Variants in TSPOAP1 observed in about 807,000 individuals in gnomAD.
TSPOAP1 encodes the protein TSPO associated protein 1.
In TSPOAP1, 87 loss-of-function variants were observed where a neutral mutation model predicts 197.0. The ratio of observed to expected loss-of-function variants is 0.44; its 90% CI spans 0.37 to 0.53. TSPOAP1 has a LOEUF of 0.53. TSPOAP1 is among the 20% of genes least tolerant of loss of function. The probability of loss-of-function intolerance (pLI) is 0.00; values close to 1 mark genes in which losing one functional copy is unlikely to be tolerated. For synonymous variants in TSPOAP1, 913 were observed against 998.9 expected (o/e 0.91, Z 1.62); for missense variants, 2,174 against 2,411.3 (o/e 0.90, Z 2.06).
rs1971051380 is a variant in TSPOAP1 at position 58,310,659 on chromosome 17, G to A, written c.3552C>T (p.Pro1184=). 6.2e-7 allele frequency: 1 copy of A among 1,612,842 alleles called. No individual in the cohort carries two copies. The highest frequency in any genetic ancestry group is 1.3e-5 in the African/African-American group (1 of 74,912). The part of the protein sequence containing the change: ...LGEKDPGPAA[P]SLAKQEAEWT... ...ACTCGGCCTCCTGCTTGGCCAGTGAGGGAGCTGCGGGGCCAGGGTCCTTCT... is the reference window on the plus strand; with the variant it reads ...ACTCGGCCTCCTGCTTGGCCAGTGAAGGAGCTGCGGGGCCAGGGTCCTTCT... Residue 1184 remains proline (P), a synonymous_variant, in exon 20 of 32, where the codon CCC becomes CCT. Transcript: ENST00000343736.
rs1971072962 is a variant in TSPOAP1 at position 58,311,358 on chromosome 17, C to T, written c.3082-145G>A. The T allele has an allele frequency of 4.6e-6, 6 of 1,295,656 alleles. No individual in the cohort carries two copies. In the East Asian group the frequency reaches 1.3e-4, roughly 27 times the overall value. The allele number at this position is 1,295,656 out of a possible 1,614,324, so 80.3% of individuals were successfully genotyped here. A position where few individuals can be genotyped will look rare whatever the true frequency, so the allele number is the denominator to read the frequency against. On this transcript the variant is annotated intron_variant, in intron 18 of 31. Transcript: ENST00000343736. Reference sequence around the variant, plus strand: ...GTGCTAAGCCCTCTGCATGGCCTATCTCATTTCATCCTCCTGGCCATATGG... The same window carrying T: ...GTGCTAAGCCCTCTGCATGGCCTATTTCATTTCATCCTCCTGGCCATATGG...
chr17:58,312,757 G>A (rs1376712845), intron 16 of TSPOAP1, 35 bp from the exon 17 acceptor site: 1 of 1,567,640 alleles, frequency 6.4e-7, no homozygotes, highest in African/African-American at 1.4e-5. Context: ...GCAGGGCAGG[G>A]GAAGACAGAG....
At chr17:58,311,852 C>G in intron 17 of TSPOAP1, 40 bp downstream of exon 17, 2 of 1,497,548 alleles carry the variant, frequency 1.3e-6, no homozygotes, top group Non-Finnish European at 1.8e-6. Flanking sequence ...ATGGCCTGGC[C>G]TCCTGGGTGT....
Position 58,304,896 on chromosome 17 carries a change from T to C in TSPOAP1, c.5544+165A>G. ...GGGCACATACTGGGGGGCAGCTGCT[T>C]GGTGGGGCTCCCCTCTGGTGGTCAA... is the stretch of plus-strand genomic sequence containing the variant. On this transcript the variant is annotated intron_variant, in intron 30 of 31. Transcript: ENST00000343736. The surrounding 1 kb of genome is among the most constrained non-coding windows in gnomAD (Gnocchi z 4.2). 2.8e-6 allele frequency: 2 copies of C among 705,100 alleles called. No individual in the cohort carries two copies. Among genetic ancestry groups the C allele is most frequent in the Non-Finnish European group, 5.2e-6 (2 of 385,074 alleles). 43.7% of individuals were successfully genotyped at this position (705,100 alleles called of 1,614,324 possible).
rs147018425 is a variant in TSPOAP1, at chr17:58,326,758, G to C, written c.366C>G (p.Pro122=). Residue 122 remains proline, a synonymous_variant, in exon 2 of 32, where the codon CCC becomes CCG. Coordinates refer to ENST00000343736, the MANE Select transcript of TSPOAP1 (RefSeq NM_004758.4). The surrounding 1 kb of genome is among the most constrained non-coding windows in gnomAD (Gnocchi z 4.7). ...CCAGGGCCCTCAGCAGCTCCAGATT[G>C]GGCCTGTCCCCAAAGCTCATATTCA... The part of the protein sequence containing the change: ...AKLNMSFGDR[P]NLELLRALGE... 6.8e-6 allele frequency: 11 copies of C among 1,613,944 alleles called. No individual in the cohort carries two copies. Among genetic ancestry groups the C allele is most frequent in the African/African-American group, 1.3e-5 (1 of 74,916 alleles).
At position 58,308,553 on chromosome 17, in the gene TSPOAP1, C is replaced by T; in HGVS notation, c.4719G>A (p.Glu1573=). The T allele has an allele frequency of 6.5e-7, 1 of 1,534,266 alleles. No individual in the cohort carries two copies. The highest frequency in any genetic ancestry group is 8.8e-7 in the Non-Finnish European group (1 of 1,139,156). ...RGRSATGRAK[E]PLSRATETGE... ...AGTGAGCACGGACCCGGGAGAGTGG[C>T]TCCTTGGCTCTGCCCGTCGCACTGC... The change falls in exon 22 of 32, where the codon GAG becomes GAA. Residue 1573 remains glutamate (E), a synonymous_variant. Coordinates refer to ENST00000343736, the MANE Select transcript of TSPOAP1 (RefSeq NM_004758.4).
intron 31 of TSPOAP1, 134 bp from the exon 32 acceptor site, chr17:58,302,581 T>C: frequency 6.0e-6 from 3 of 496,752 alleles, no homozygotes; most frequent in Non-Finnish European, 9.1e-6. Context: ...AACCAGGGCC[T>C]CACCTCCCAC....
In TSPOAP1 at chr17:58,304,489, G is replaced by T. The variant is rs942333725; in HGVS notation, c.5545-90C>A. On this transcript the variant is annotated intron_variant, in intron 30 of 31. Coordinates refer to ENST00000343736, the MANE Select transcript of TSPOAP1 (RefSeq NM_004758.4). The surrounding 1 kb of genome is among the most constrained non-coding windows in gnomAD (Gnocchi z 4.2). Reference sequence around the variant, plus strand: ...ACCAGGTGGCCCTGCGCAGGGGTGGGCCCTACTCTCCAAGGCCTTTGTGTT... The same window carrying T: ...ACCAGGTGGCCCTGCGCAGGGGTGGTCCCTACTCTCCAAGGCCTTTGTGTT... The T allele has an allele frequency of 1.0e-4, 107 of 1,056,856 alleles. No homozygotes were observed. Among genetic ancestry groups the T allele is most frequent in the Non-Finnish European group, 1.1e-4 (75 of 674,816 alleles). 65.5% of individuals were successfully genotyped at this position (1,056,856 alleles called of 1,614,324 possible). A position where few individuals can be genotyped will look rare whatever the true frequency, so the allele number is the denominator to read the frequency against.
chr17:58,308,976 G>A lies in TSPOAP1; in HGVS notation c.4296C>T (p.Leu1432=). The change falls in exon 22 of 32, where the codon CTC becomes CTT. Residue 1432 remains leucine, a synonymous_variant. Coordinates refer to ENST00000343736, the MANE Select transcript of TSPOAP1 (RefSeq NM_004758.4). ...PDPREHCSRL[L]SNNGPQASGR... ...CAGAGGCCTGGGGCCCATTGTTGCT[G>A]AGAAGTCGGCTGCAGTGTTCTCGGG... 1.9e-6 allele frequency: 3 copies of A among 1,610,408 alleles called. No individual in the cohort carries two copies. The highest frequency in any genetic ancestry group is 2.5e-6 in the Non-Finnish European group (3 of 1,179,014).
At chr17:58,327,123 C>T (rs1971645006) in intron 1 of TSPOAP1, among the ~76,000 whole-genome samples, 1 of 152,108 alleles carries the variant, frequency 6.6e-6, no homozygotes, top group South Asian at 2.1e-4. Context: ...AGTCCTGTTC[C>T]TTCCCTCTTC....
chr17:58,312,008 C>T lies in TSPOAP1; in HGVS notation c.2813G>A (p.Gly938Asp), dbSNP rs1971090299. Residue 938 changes from glycine to aspartate, a missense_variant, in exon 17 of 32, where the codon GGC (glycine) becomes GAC (aspartate). Physicochemically the swap from Gly to Asp is moderately conservative, Grantham distance 94. Transcript: ENST00000343736. ...YWATFCHLRP[G>D]TPYQAQVEAQ... is the part of the protein sequence containing the mutation. ...CTCCACTTGGGCCTGATAGGGTGTGCCAGGCCGTAAGTGGCAGAAGGTGGC... is the reference window on the plus strand; with the variant it reads ...CTCCACTTGGGCCTGATAGGGTGTGTCAGGCCGTAAGTGGCAGAAGGTGGC... The T allele has an allele frequency of 6.2e-7, 1 of 1,613,144 alleles. No individual in the cohort carries two copies. The highest frequency in any genetic ancestry group is 1.3e-5 in the African/African-American group (1 of 74,928).
At position 58,306,930 on chromosome 17, in the gene TSPOAP1, G is replaced by A. The variant is rs768862973; in HGVS notation, c.5022C>T (p.Gly1674=). Residue 1674 remains glycine (G), a synonymous_variant, in exon 25 of 32, where the codon GGC becomes GGT. Coordinates refer to ENST00000343736, the MANE Select transcript of TSPOAP1 (RefSeq NM_004758.4). ...GDKDADGFYQ[G]EGGGRTGYIP... is the part of the protein sequence containing the mutation. ...TGTAGCCTGTCCGGCCCCCACCTTC[G>A]CCCTGGTAGAAGCCATCGGCATCCT... The A allele has an allele frequency of 5.0e-6, 8 of 1,613,128 alleles. No individual in the cohort carries two copies. The highest frequency in any genetic ancestry group is 2.2e-5 in the East Asian group (1 of 44,878).
intron 24 of TSPOAP1, 72 bp downstream of exon 24, chr17:58,307,539 T>C: frequency 6.5e-7 from 1 of 1,547,486 alleles, no homozygotes; most frequent in Non-Finnish European, 8.8e-7. Context: ...CTACCTCCAG[T>C]GGAGGAAAGG....
chr17:58,320,015 C>T, intron 12 of TSPOAP1, 94 bp downstream of exon 12: 3 of 1,490,714 alleles, frequency 2.0e-6, no homozygotes, highest in South Asian at 1.1e-5. Flanking sequence ...ACCCCCTCTG[C>T]TGGATGAGAG....
Position 58,328,223 on chromosome 17 carries a change from A to G in TSPOAP1, c.-303T>C. The stretch of plus-strand genomic sequence containing the variant: ...GGGAGGATGTGCAGAGGCCACCGAC[A>G]GCTGCGCCTGGGTGAGGGTGCGTGT... On this transcript the variant is annotated 5_prime_UTR_variant, in exon 1 of 32. Coordinates refer to ENST00000343736, the MANE Select transcript of TSPOAP1 (RefSeq NM_004758.4). The surrounding 1 kb of genome is among the most constrained non-coding windows in gnomAD (Gnocchi z 4.3). 2.3e-6 allele frequency: 1 copy of G among 441,852 alleles called. No individual in the cohort carries two copies. The highest frequency in any genetic ancestry group is 2.0e-5 in the African/African-American group (1 of 51,224). 27.4% of individuals were successfully genotyped at this position (441,852 alleles called of 1,614,324 possible).
At chr17:58,325,894 G>A (rs1971582012) in intron 3 of TSPOAP1, among the ~76,000 whole-genome samples, 181 bp from the exon 4 acceptor site, 1 of 152,160 alleles carries the variant, frequency 6.6e-6, no homozygotes, top group Non-Finnish European at 1.5e-5. Context: ...CAGTTGGAAA[G>A]GATTAACTCT....
At chr17:58,313,214 TATAA>T (rs1289604259) in intron 16 of TSPOAP1, among the ~76,000 whole-genome samples, 2 of 152,224 alleles carry the variant, frequency 1.3e-5, no homozygotes, top group Non-Finnish European at 2.9e-5. Flanking sequence ...GTGCTGGCTA[TATAA>T]ATATTCAAAT....
chr17:58,325,370 C>A, intron 4 of TSPOAP1, 164 bp downstream of exon 4: 2 of 861,162 alleles, frequency 2.3e-6, no homozygotes, highest in East Asian at 2.7e-5. Context: ...GGCTCCACCC[C>A]CTTCTCCCCT....
rs1339475985 is a variant in TSPOAP1, at chr17:58,301,965, G to A, written c.*515C>T. ...GCACTGTGGGACACTAGTAGACGAGGTGGGTGGACCAGGACGCGAGGGTCC... is the reference window on the plus strand; with the variant it reads ...GCACTGTGGGACACTAGTAGACGAGATGGGTGGACCAGGACGCGAGGGTCC... On this transcript the variant is annotated 3_prime_UTR_variant, in exon 32 of 32. Coordinates refer to ENST00000343736, the MANE Select transcript of TSPOAP1 (RefSeq NM_004758.4). The A allele has an allele frequency of 2.9e-5, 7 of 241,648 alleles. No individual in the cohort carries two copies. Among genetic ancestry groups the A allele is most frequent in the South Asian group, 2.1e-4 (5 of 23,738 alleles). 15.0% of individuals were successfully genotyped at this position (241,648 alleles called of 1,614,324 possible). A position where few individuals can be genotyped will look rare whatever the true frequency, so the allele number is the denominator to read the frequency against.
Sources: allele counts gnomAD v4.1 joint callset (sites outside exome capture counted in the v4.1 genomes callset), GRCh38; gene constraint gnomAD v4.1.1; non-coding constraint Gnocchi (gnomAD v3.1); transcripts MANE v1.5; gene names NCBI Gene and HGNC (gene_info 2026-07-23, HGNC 2026-07-21).